Variants in WNT3 observed in about 807,000 individuals in gnomAD.
WNT3 encodes the protein proto-oncogene Wnt-3.
WNT3 carries 7 observed loss-of-function variants against 34.2 expected under a neutral mutation model. That is an observed-to-expected ratio of 0.20 (90% CI 0.12 to 0.38). The LOEUF (loss-of-function observed/expected upper bound fraction) is 0.38, where lower values mean the gene tolerates loss of function less well. Among genes scored for constraint, WNT3 ranks in the 10% least tolerant of loss-of-function variants. The probability of loss-of-function intolerance (pLI) is 1.00; values close to 1 mark genes in which losing one functional copy is unlikely to be tolerated. For missense variants in WNT3, 267 were observed against 499.8 expected (o/e 0.53, Z 4.44); for synonymous variants, 212 against 211.5 (o/e 1.00, Z -0.02).
intron 1 of WNT3, among the ~76,000 whole-genome samples, chr17:46,808,840 G>A (rs1357319967): frequency 1.3e-5 from 2 of 152,144 alleles, no homozygotes; most frequent in African/African-American, 4.8e-5. Flanking sequence ...AATTGACACT[G>A]TGGAGAAAAG....
At chr17:46,789,301 A>G (rs1312471156) in intron 1 of WNT3, among the ~76,000 whole-genome samples, 1 of 152,174 alleles carries the variant, frequency 6.6e-6, no homozygotes, top group African/African-American at 2.4e-5. Context: ...CTCTTCAGAA[A>G]ACCAAGGACA....
intron 2 of WNT3, among the ~76,000 whole-genome samples, chr17:46,773,136 T>C (rs1290597279): frequency 6.6e-6 from 1 of 152,076 alleles, no homozygotes; most frequent in African/African-American, 2.4e-5. Flanking sequence ...GCCGGAAAGT[T>C]ACCCAGAGGC....
intron 1 of WNT3, among the ~76,000 whole-genome samples, chr17:46,782,161 G>A (rs1025027024): frequency 1.3e-5 from 2 of 152,174 alleles, no homozygotes; most frequent in African/African-American, 4.8e-5. Flanking sequence ...TGCAGAAATA[G>A]GCCCTTTGCC....
chr17:46,806,565 G>A (rs2084200319), intron 1 of WNT3, among the ~76,000 whole-genome samples: 1 of 152,198 alleles, frequency 6.6e-6, no homozygotes, highest in Non-Finnish European at 1.5e-5. Context: ...TCTCGAGGCT[G>A]CTTTAGCTTC....
intron 1 of WNT3, among the ~76,000 whole-genome samples, chr17:46,801,388 G>A (rs2084123088): frequency 6.6e-6 from 1 of 152,250 alleles, no homozygotes; most frequent in South Asian, 2.1e-4. Context: ...GGGAGGCTGA[G>A]GTGGGCACAT....
At chr17:46,774,245 C>T (rs2059397492) in intron 1 of WNT3, among the ~76,000 whole-genome samples, 1 of 152,242 alleles carries the variant, frequency 6.6e-6, no homozygotes, top group Non-Finnish European at 1.5e-5. Flanking sequence ...TTTCCAGGTT[C>T]TGGGTCCAGC....
chr17:46,818,068 T>C (rs926670987), intron 1 of WNT3, among the ~76,000 whole-genome samples: 25 of 152,014 alleles, frequency 1.6e-4, no homozygotes, highest in African/African-American at 6.0e-4. Flanking sequence ...AATCTCTTGA[T>C]GGAGGCGCCG....
chr17:46,808,873 G>A (rs2084232330), intron 1 of WNT3, among the ~76,000 whole-genome samples: 1 of 152,144 alleles, frequency 6.6e-6, no homozygotes, highest in Admixed American at 6.6e-5. Context: ...TCCTGGGACA[G>A]CAGCCTGCTC....
intron 4 of WNT3, among the ~76,000 whole-genome samples, chr17:46,767,366 G>T (rs1052339229): frequency 1.3e-5 from 2 of 152,146 alleles, no homozygotes; most frequent in Non-Finnish European, 2.9e-5. Flanking sequence ...GATCTGTCAG[G>T]ATATGGGCTT....
intron 1 of WNT3, among the ~76,000 whole-genome samples, chr17:46,805,266 T>C (rs1259405746): frequency 6.6e-6 from 1 of 151,738 alleles, no homozygotes; most frequent in African/African-American, 2.4e-5. Context: ...AGGGAGATGC[T>C]ATCTCTACAA....
intron 1 of WNT3, among the ~76,000 whole-genome samples, chr17:46,811,996 A>G (rs2084282370): frequency 1.3e-5 from 2 of 152,270 alleles, no homozygotes; most frequent in African/African-American, 4.8e-5. Flanking sequence ...AACTCTGCCC[A>G]GGTGCCTTAG....
rs11650370 is a variant in WNT3, at chr17:46,788,289, C to T, written c.81-14380G>A. Among the ~76,000 whole-genome samples the T allele has an allele frequency of 2.2e-3, 332 of 152,290 alleles. 1 individual carries two copies. Among genetic ancestry groups the T allele is most frequent in the Non-Finnish European group, 4.0e-3 (270 of 68,024 alleles). Reference sequence around the variant, plus strand: ...AGTTCATTTTAACCTTGTAACATTTCTCCCCTTCCTGACCCCTCCAAACCC... The same window carrying T: ...AGTTCATTTTAACCTTGTAACATTTTTCCCCTTCCTGACCCCTCCAAACCC... On this transcript the variant is annotated intron_variant, in intron 1 of 4. Transcript: ENST00000225512.
At chr17:46,817,864 A>G (rs774009325) in intron 1 of WNT3, among the ~76,000 whole-genome samples, 13 of 152,128 alleles carry the variant, frequency 8.5e-5, no homozygotes, top group Admixed American at 2.0e-4. Context: ...AGGGTGGACA[A>G]GCAAGAAATG....
At chr17:46,777,338 G>A (rs2059420923) in intron 1 of WNT3, among the ~76,000 whole-genome samples, 1 of 152,268 alleles carries the variant, frequency 6.6e-6, no homozygotes, top group African/African-American at 2.4e-5. Flanking sequence ...GGGGGCCCAT[G>A]CTGGCAAGGC....
At chr17:46,817,352 C>T (rs1392379826) in intron 1 of WNT3, among the ~76,000 whole-genome samples, 1 of 152,176 alleles carries the variant, frequency 6.6e-6, no homozygotes, top group African/African-American at 2.4e-5. Flanking sequence ...TCACAGATCC[C>T]AAATTCTTCC....
intron 1 of WNT3, among the ~76,000 whole-genome samples, chr17:46,809,025 G>A (rs1461442432): frequency 1.3e-5 from 2 of 152,156 alleles, no homozygotes. Flanking sequence ...GCCCCAGGTT[G>A]GGCTGCCTTT....
rs1486152705 is a variant in WNT3 at position 46,768,140 on chromosome 17, G to A, written c.*8+172C>T. On this transcript the variant is annotated intron_variant, in intron 4 of 4. Transcript: ENST00000225512. This position sits in a 1 kb window ranked among gnomAD's most constrained non-coding sequence, Gnocchi z 5.0. Reference sequence around the variant, plus strand: ...GCAATCCACCAAGTCTCTGCCCAAGGACCATTCCCACGGATGCTTGAAAAA... The same window carrying A: ...GCAATCCACCAAGTCTCTGCCCAAGAACCATTCCCACGGATGCTTGAAAAA... Among the ~76,000 whole-genome samples the A allele has an allele frequency of 6.6e-6, 1 of 152,174 alleles. No homozygotes were observed. The highest frequency in any genetic ancestry group is 1.5e-5 in the Non-Finnish European group (1 of 68,048).
intron 4 of WNT3, among the ~76,000 whole-genome samples, chr17:46,765,421 T>C (rs1218203157): frequency 1.3e-5 from 2 of 152,198 alleles, no homozygotes; most frequent in Non-Finnish European, 1.5e-5. Context: ...CCAGAGACAC[T>C]GGGTAAAAGC....
chr17:46,813,207 G>A (rs766022546), intron 1 of WNT3, among the ~76,000 whole-genome samples: 5 of 151,848 alleles, frequency 3.3e-5, no homozygotes, highest in Admixed American at 6.6e-5. Flanking sequence ...TCACAGCAAC[G>A]AGCCCAGAAC....
Sources: allele counts gnomAD v4.1 joint callset (sites outside exome capture counted in the v4.1 genomes callset), GRCh38; gene constraint gnomAD v4.1.1; non-coding constraint Gnocchi (gnomAD v3.1); transcripts MANE v1.5; gene names NCBI Gene and HGNC (gene_info 2026-07-23, HGNC 2026-07-21).